EIF2AK4: variants seen among roughly 807,000 people sequenced by gnomAD.
EIF2AK4 encodes the protein eukaryotic translation initiation factor 2 alpha kinase 4, also known as eIF-2-alpha kinase GCN2.
Under a neutral mutation model 211.1 loss-of-function variants are expected in EIF2AK4, and 139 were observed. That is an observed-to-expected ratio of 0.66 (90% CI 0.57 to 0.76). The LOEUF (loss-of-function observed/expected upper bound fraction) is 0.76. Ranked by LOEUF, EIF2AK4 falls within the 30% of genes least tolerant of loss-of-function variation. The pLI, the probability that EIF2AK4 is intolerant of heterozygous loss-of-function variation, is 0.00. For synonymous variants in EIF2AK4, 710 were observed against 751.3 expected (o/e 0.94, Z 0.90); for missense variants, 1,664 against 2,043.8 (o/e 0.81, Z 3.58).
chr15:39,967,632 G>C lies in EIF2AK4; in HGVS notation c.1306G>C (p.Glu436Gln). Residue 436 changes from glutamate (E) to glutamine (Q), a missense_variant, in exon 9 of 39, where the codon GAA becomes CAA. This residue lies in a region of EIF2AK4 where 641 missense variants were observed against 729.6 expected (regional missense o/e 0.88). Coordinates refer to ENST00000263791, the MANE Select transcript of EIF2AK4 (RefSeq NM_001013703.4). ...TGCATCTAATGTCTTGGTGGATGCA[G>C]AAGGCACCGTCAAGATTACGGACTA... ...LSASNVLVDA[E>Q]GTVKITDYSI... 1 of 1,614,168 alleles carries C rather than the reference G, an allele frequency of 6.2e-7. No homozygotes were observed. Among genetic ancestry groups the C allele is most frequent in the African/African-American group, 1.3e-5 (1 of 75,046 alleles).
chr15:39,984,217 G>C (rs953081971), intron 13 of EIF2AK4, among the ~76,000 whole-genome samples: 3 of 152,174 alleles, frequency 2.0e-5, no homozygotes, highest in Non-Finnish European at 4.4e-5. Context: ...CTATATTTCT[G>C]TTTTAGTACC....
chr15:39,967,319 T>TTC (rs1491030205), intron 8 of EIF2AK4, 25 bp from the exon 9 acceptor site: 6 of 423,012 alleles, frequency 1.4e-5, no homozygotes, highest in Non-Finnish European at 1.8e-5. Flanking sequence ...CCCAATATTC[T>TTC]TTTTTTTTTT....
chr15:39,938,330 C>G (rs992372322), intron 1 of EIF2AK4, among the ~76,000 whole-genome samples: 4 of 152,126 alleles, frequency 2.6e-5, no homozygotes, highest in Admixed American at 2.6e-4. Flanking sequence ...AGACCACATT[C>G]GCAGAATTAT....
chr15:40,022,717 C>A, intron 32 of EIF2AK4, 112 bp downstream of exon 32: 1 of 829,016 alleles, frequency 1.2e-6, no homozygotes, highest in Non-Finnish European at 1.9e-6. Context: ...GTTCCCTCTA[C>A]TCTCCCTTTC....
rs2034379111 is a variant in EIF2AK4 at position 39,955,630 on chromosome 15, A to G, written c.605A>G (p.Glu202Gly). 1.2e-6 allele frequency: 2 copies of G among 1,606,114 alleles called. No homozygotes were observed. The highest frequency in any genetic ancestry group is 2.3e-5 in the South Asian group (2 of 88,590). The change falls in exon 6 of 39, where the codon GAA (glutamate) becomes GGA (glycine). Residue 202 changes from glutamate to glycine, a missense_variant. Physicochemically the swap from Glu to Gly is moderately conservative, Grantham distance 98. Around this residue, in one of 7 missense-constraint regions of EIF2AK4, gnomAD observed 641 missense variants for 729.6 expected, o/e 0.88. Transcript: ENST00000263791. ...CTTTTCTTGTTCTAGGAACGTTTGG[A>G]AATTGCTAGTTTGTCAAACCAAGAT... ...RKEMAKQERL[E>G]IASLSNQDHT...
chr15:39,939,449 A>T, intron 1 of EIF2AK4, 56 bp from the exon 2 acceptor site: 1 of 1,057,374 alleles, frequency 9.5e-7, no homozygotes, highest in East Asian at 2.5e-5. Flanking sequence ...TATCTTAATC[A>T]TTAATGATTG....
chr15:39,958,470 A>T (rs923067984), intron 6 of EIF2AK4, among the ~76,000 whole-genome samples: 4 of 152,132 alleles, frequency 2.6e-5, no homozygotes, highest in African/African-American at 9.7e-5. Flanking sequence ...GGTATAAGAC[A>T]TGGGATTCTC....
chr15:39,942,220 C>G (rs964462974), intron 2 of EIF2AK4, among the ~76,000 whole-genome samples: 19 of 152,208 alleles, frequency 1.2e-4, no homozygotes, highest in African/African-American at 4.6e-4. Context: ...CTGGGTGCCA[C>G]TGTGAGAGAG....
rs184952951 is a variant in EIF2AK4 at position 39,974,534 on chromosome 15, T to C, written c.1818+785T>C. 5.9e-5 allele frequency: 9 copies of C among 152,346 alleles called. No homozygotes were observed. The East Asian group carries it at 1.5e-3, about 26-fold the overall frequency. 9.4% of individuals were successfully genotyped at this position (152,346 alleles called of 1,614,324 possible). A position where few individuals can be genotyped will look rare whatever the true frequency, so the allele number is the denominator to read the frequency against. On this transcript the variant is annotated intron_variant, in intron 11 of 38. Transcript: ENST00000263791. ...AAAAAAGGAATTAAATTAGTTTTCC[T>C]GTGGTAAAAGACAGACAAGCAAGAC...
At chr15:39,968,353 A>G (rs1210872597) in intron 9 of EIF2AK4, among the ~76,000 whole-genome samples, 1 of 152,228 alleles carries the variant, frequency 6.6e-6, no homozygotes, top group Admixed American at 6.5e-5. Flanking sequence ...TAGTCTAGCC[A>G]GAGGAGTTTC....
intron 7 of EIF2AK4, among the ~76,000 whole-genome samples, chr15:39,963,365 T>C (rs1462130855): frequency 6.6e-6 from 1 of 152,220 alleles, no homozygotes; most frequent in African/African-American, 2.4e-5. Flanking sequence ...CTTAGTCTCT[T>C]ATTCTCACTG....
At chr15:39,972,544 T>C (rs74481856) in intron 9 of EIF2AK4, among the ~76,000 whole-genome samples, 2,029 of 152,278 alleles carry the variant, frequency 0.013, 55 homozygotes, top group African/African-American at 0.046. Flanking sequence ...GCTTTATTTA[T>C]AACCGGTTCC....
intron 17 of EIF2AK4, 148 bp downstream of exon 17, chr15:39,992,377 C>A: frequency 1.7e-6 from 1 of 589,578 alleles, no homozygotes; most frequent in South Asian, 3.2e-5. Flanking sequence ...ACGTTTTAAT[C>A]TTTTTTTCCT....
intron 35 of EIF2AK4, among the ~76,000 whole-genome samples, chr15:40,031,521 T>C (rs893409890): frequency 6.6e-6 from 1 of 152,170 alleles, no homozygotes; most frequent in Admixed American, 6.5e-5. Context: ...ACCTCTCCCT[T>C]TTTCCCAATT....
At chr15:40,034,635 A>G (rs1280653976) in intron 38 of EIF2AK4, among the ~76,000 whole-genome samples, 191 bp downstream of exon 38, 1 of 152,186 alleles carries the variant, frequency 6.6e-6, no homozygotes, top group Non-Finnish European at 1.5e-5. Flanking sequence ...AACAAAACAC[A>G]GGGGTCCTAG....
intron 26 of EIF2AK4, among the ~76,000 whole-genome samples, chr15:40,010,844 GAA>G (rs2035225814): frequency 6.6e-6 from 1 of 152,172 alleles, no homozygotes; most frequent in Non-Finnish European, 1.5e-5. Context: ...GACACTGGCA[GAA>G]ACCCCAGGGA....
In EIF2AK4 at chr15:40,022,657, A is replaced by G. The variant is rs567347642; in HGVS notation, c.4389+52A>G. Reference sequence around the variant, plus strand: ...TTCAATAGTTAGGTGTTACCTGTGGAGCACCTGCCTTCACACTGAGGCCCG... The same window carrying G: ...TTCAATAGTTAGGTGTTACCTGTGGGGCACCTGCCTTCACACTGAGGCCCG... On this transcript the variant is annotated intron_variant, in intron 32 of 38. Coordinates refer to ENST00000263791, the MANE Select transcript of EIF2AK4 (RefSeq NM_001013703.4). 23 of 1,548,558 alleles carry G rather than the reference A, an allele frequency of 1.5e-5. No individual in the cohort carries two copies. In the South Asian group the frequency reaches 2.2e-4, roughly 15 times the overall value.
At chr15:40,019,045 C>G in intron 29 of EIF2AK4, 48 bp from the exon 30 acceptor site, 1 of 1,376,444 alleles carries the variant, frequency 7.3e-7, no homozygotes, top group Non-Finnish European at 1.0e-6. Context: ...CCCGTAATCA[C>G]AGTTTCTTTC....
intron 20 of EIF2AK4, among the ~76,000 whole-genome samples, chr15:39,999,250 A>G (rs899814501): frequency 6.6e-6 from 1 of 152,164 alleles, no homozygotes; most frequent in African/African-American, 2.4e-5. Context: ...AAATTCTCCT[A>G]TATACCATAA....
Sources: gnomAD v4.1 joint callset for allele counts (sites outside exome capture counted in the v4.1 genomes callset) on GRCh38, gnomAD v4.1.1 for gene constraint, gnomAD v4.1.1 regional missense constraint, MANE v1.5 for transcripts, NCBI Gene and HGNC (gene_info 2026-07-23, HGNC 2026-07-21) for gene names.